The following KIF16B variants were observed in gnomAD, a reference collection of about 807,000 sequenced individuals.
KIF16B encodes kinesin-like protein KIF16B.
Under a neutral mutation model 156.3 loss-of-function variants are expected in KIF16B, and 98 were observed. The ratio of observed to expected loss-of-function variants is 0.63; its 90% CI spans 0.53 to 0.74. KIF16B has a LOEUF of 0.74. KIF16B is among the 30% of genes least tolerant of loss of function. The pLI is 0.00. For missense variants in KIF16B, 1,421 were observed against 1,606.5 expected, an observed-to-expected ratio of 0.88 and a Z score of 1.97; for synonymous variants, 564 against 583.7, an observed-to-expected ratio of 0.97 and a Z score of 0.49.
Position 16,273,339 on chromosome 20 carries a change from G to C in KIF16B, c.3868C>G (p.Leu1290Val). 6.2e-7 allele frequency: 1 copy of C among 1,613,408 alleles called. No individual in the cohort carries two copies. Among genetic ancestry groups the C allele is most frequent in the Non-Finnish European group, 8.5e-7 (1 of 1,179,328 alleles). The change falls in exon 26 of 26, where the codon CTG (leucine) becomes GTG (valine). Residue 1290 changes from leucine (L) to valine (V), a missense_variant. By Grantham distance (32) the Leu-to-Val change is conservative. Coordinates refer to ENST00000354981, the MANE Select transcript of KIF16B (RefSeq NM_024704.5). ...TSPLHINKVG[L>V]TLSKHTICEF... ...CAAATGGTATGTTTCGAGAGAGTCAGTCCCACTTTGTTGATGTGGAGGGGA... is the reference window on the plus strand; with the variant it reads ...CAAATGGTATGTTTCGAGAGAGTCACTCCCACTTTGTTGATGTGGAGGGGA...
chr20:16,530,548 G>A (rs1277673094), intron 1 of KIF16B, among the ~76,000 whole-genome samples: 1 of 152,146 alleles, frequency 6.6e-6, no homozygotes. Context: ...CCCCAAGCCC[G>A]CACCGGGACA....
At chr20:16,481,555 G>GGA (rs1482526285) in intron 12 of KIF16B, among the ~76,000 whole-genome samples, 1 of 152,192 alleles carries the variant, frequency 6.6e-6, no homozygotes, top group African/African-American at 2.4e-5. Flanking sequence ...ATAGGACTTA[G>GGA]CAACCTAAAG....
Position 16,528,363 on chromosome 20 carries a change from T to G in KIF16B, c.117+8A>C. 1.2e-6 allele frequency: 2 copies of G among 1,610,962 alleles called. No individual in the cohort carries two copies. Among genetic ancestry groups the G allele is most frequent in the Non-Finnish European group, 1.7e-6 (2 of 1,177,170 alleles). ...TTGGAACTTAAGCAAGGCCAGGTCATGACTTGCCTTTAAGTTTGTGATTGT... is the reference window on the plus strand; with the variant it reads ...TTGGAACTTAAGCAAGGCCAGGTCAGGACTTGCCTTTAAGTTTGTGATTGT... On this transcript the variant is annotated splice_region_variant and intron_variant, in intron 2 of 25. Transcript: ENST00000354981.
rs1227312684 is a variant in KIF16B, at chr20:16,477,200, T to C, written c.1302+17091A>G. ...AATTTCCTTGTGGGTTTTTTTTTTT[T>C]CTCTCCTTAAAAAAAAAAAAAGGTG... On this transcript the variant is annotated intron_variant, in intron 12 of 25. Coordinates refer to ENST00000354981, the MANE Select transcript of KIF16B (RefSeq NM_024704.5). Among the ~76,000 whole-genome samples, 30 of 122,468 alleles carry C rather than the reference T, an allele frequency of 2.4e-4. 1 individual carries two copies. In the South Asian group the frequency reaches 6.1e-3, roughly 25 times the overall value. The allele number at this position is 122,468 out of a possible 152,430, so 80.3% of individuals were successfully genotyped here.
chr20:16,544,505 G>A (rs1456321059), intron 1 of KIF16B, among the ~76,000 whole-genome samples: 2 of 148,768 alleles, frequency 1.3e-5, no homozygotes, highest in Non-Finnish European at 3.0e-5. Flanking sequence ...TCCTTGGGAG[G>A]CTGAGACAGG....
In KIF16B at chr20:16,379,722, C is replaced by A; in HGVS notation, c.2280G>T (p.Met760Ile). 6.2e-7 allele frequency: 1 copy of A among 1,614,204 alleles called. No individual in the cohort carries two copies. The highest frequency in any genetic ancestry group is 8.5e-7 in the Non-Finnish European group (1 of 1,180,036). The change falls in exon 19 of 26, where the codon ATG becomes ATT. Residue 760 changes from methionine (M) to isoleucine (I), a missense_variant. By Grantham distance (10) the Met-to-Ile change is conservative. Transcript: ENST00000354981. The stretch of plus-strand genomic sequence containing the variant: ...GCTGCTCTTCCAGATGGGCCACGAG[C>A]ATGACCTGCTCCTTCTCCTGCTCCT... ...RLEEQEKEQV[M>I]LVAHLEEQLR... is the part of the protein sequence containing the mutation.
rs1050190855 is a variant in KIF16B at position 16,367,880 on chromosome 20, C to T, written c.3498+2706G>A. On this transcript the variant is annotated intron_variant, in intron 22 of 25. Coordinates refer to ENST00000354981, the MANE Select transcript of KIF16B (RefSeq NM_024704.5). ...AATACAGTGAGCAGAAGACCCTCTGCAGAGCTCAGGAATCGAACACTCTGT... is the reference window on the plus strand; with the variant it reads ...AATACAGTGAGCAGAAGACCCTCTGTAGAGCTCAGGAATCGAACACTCTGT... The T allele has an allele frequency of 1.6e-5, 25 of 1,534,798 alleles. No homozygotes were observed. In the African/African-American group the frequency reaches 3.1e-4, roughly 19 times the overall value.
intron 3 of KIF16B, among the ~76,000 whole-genome samples, chr20:16,520,122 A>G (rs1197847749): frequency 7.0e-6 from 1 of 142,386 alleles, no homozygotes; most frequent in Non-Finnish European, 1.6e-5. Flanking sequence ...AGCTAGCTGC[A>G]GGAGTTTTTT....
chr20:16,538,062 T>A (rs137991381), intron 1 of KIF16B, among the ~76,000 whole-genome samples: 1 of 152,214 alleles, frequency 6.6e-6, no homozygotes, highest in Non-Finnish European at 1.5e-5. Flanking sequence ...CTCCTCCTGA[T>A]AAACCATTAG....
At chr20:16,464,685 A>C (rs1356854931) in intron 12 of KIF16B, among the ~76,000 whole-genome samples, 1 of 152,200 alleles carries the variant, frequency 6.6e-6, no homozygotes, top group Non-Finnish European at 1.5e-5. Flanking sequence ...GCTGCAGCTT[A>C]TAACAGGCAT....
chr20:16,467,228 G>A (rs2067516104), intron 12 of KIF16B, among the ~76,000 whole-genome samples: 1 of 152,142 alleles, frequency 6.6e-6, no homozygotes, highest in African/African-American at 2.4e-5. Flanking sequence ...GAAGCACTGT[G>A]AAGTTCAACA....
intron 20 of KIF16B, among the ~76,000 whole-genome samples, chr20:16,372,100 T>C (rs575276110): frequency 1.3e-5 from 2 of 152,270 alleles, no homozygotes; most frequent in South Asian, 4.1e-4. Flanking sequence ...CGGTCTCTAA[T>C]CTGATGCCAA....
chr20:16,401,046 C>A (rs999499635), intron 17 of KIF16B, among the ~76,000 whole-genome samples: 4 of 152,068 alleles, frequency 2.6e-5, no homozygotes, highest in Non-Finnish European at 5.9e-5. Flanking sequence ...CAATTACTTT[C>A]TACAGCAGGT....
intron 1 of KIF16B, among the ~76,000 whole-genome samples, chr20:16,568,749 T>C (rs2071350164): frequency 7.4e-6 from 1 of 134,456 alleles, no homozygotes; most frequent in African/African-American, 2.9e-5. Flanking sequence ...CACCAGGAGG[T>C]TGAGGCTTCA....
At chr20:16,542,300 T>C (rs2070235510) in intron 1 of KIF16B, among the ~76,000 whole-genome samples, 2 of 152,210 alleles carry the variant, frequency 1.3e-5, no homozygotes. Flanking sequence ...GGGAGATTTA[T>C]ATATTCATTC....
chr20:16,476,804 G>A (rs1322829678), intron 12 of KIF16B, among the ~76,000 whole-genome samples: 1 of 152,082 alleles, frequency 6.6e-6, no homozygotes, highest in Non-Finnish European at 1.5e-5. Context: ...CTGTCGCCAG[G>A]CTGGAATGCA....
At chr20:16,476,096 T>C (rs2067801325) in intron 12 of KIF16B, among the ~76,000 whole-genome samples, 1 of 152,236 alleles carries the variant, frequency 6.6e-6, no homozygotes, top group African/African-American at 2.4e-5. Context: ...ACAACTCCAC[T>C]ACCAAGGGCC....
intron 10 of KIF16B, among the ~76,000 whole-genome samples, chr20:16,501,985 CA>C (rs2068639957): frequency 6.6e-6 from 1 of 152,006 alleles, no homozygotes; most frequent in African/African-American, 2.4e-5. Context: ...ATATAACTTG[CA>C]ATTTTGGGGG....
intron 25 of KIF16B, among the ~76,000 whole-genome samples, chr20:16,290,694 A>G (rs2063302452): frequency 6.6e-6 from 1 of 152,130 alleles, no homozygotes; most frequent in African/African-American, 2.4e-5. Context: ...AGGTGTGATG[A>G]GGACTGTGGC....
Sources: gnomAD v4.1 joint callset for allele counts (sites outside exome capture counted in the v4.1 genomes callset) on GRCh38, gnomAD v4.1.1 for gene constraint, MANE v1.5 for transcripts, NCBI Gene and HGNC (gene_info 2026-07-23, HGNC 2026-07-21) for gene names.